ODAD3: variants seen among roughly 807,000 people sequenced by gnomAD.
The protein encoded by ODAD3 is outer dynein arm docking complex subunit 3.
In ODAD3, 57 loss-of-function variants were observed where a neutral mutation model predicts 70.9. That is an observed-to-expected ratio of 0.80 (90% CI 0.65 to 1.00). The LOEUF is 1.00. ODAD3 is among the 50% of genes least tolerant of loss of function. The probability of loss-of-function intolerance (pLI) is 0.00; values close to 1 mark genes in which losing one functional copy is unlikely to be tolerated. For missense variants in ODAD3, 797 were observed against 763.9 expected (o/e 1.04, Z -0.51); for synonymous variants, 327 against 315.9 (o/e 1.04, Z -0.37).
chr19:11,431,594 C>T (rs2144782036), intron 1 of ODAD3, among the ~76,000 whole-genome samples: 1 of 151,352 alleles, frequency 6.6e-6, no homozygotes, highest in African/African-American at 2.4e-5. Flanking sequence ...AGTTCAAGAT[C>T]AGCCTGGCCA....
intron 7 of ODAD3, 85 bp downstream of exon 7, chr19:11,426,059 G>A: frequency 6.6e-7 from 1 of 1,512,350 alleles, no homozygotes; most frequent in Non-Finnish European, 8.8e-7. Context: ...ATGGGAGAAG[G>A]CCTAGGATGA....
chr19:11,425,636 T>TATATGCATACATGC (rs1969347660), intron 7 of ODAD3, among the ~76,000 whole-genome samples: 1 of 140,220 alleles, frequency 7.1e-6, no homozygotes, highest in African/African-American at 3.0e-5. Context: ...CATATATGTA[T>TATATGCATACATGC]ATATATGTAT....
At chr19:11,434,396 G>A (rs1969595342) in intron 1 of ODAD3, 1 of 160,962 alleles carries the variant, frequency 6.2e-6, no homozygotes, top group African/African-American at 2.4e-5. Flanking sequence ...AAATTAGTTA[G>A]GCGTGGTGGC....
intron 3 of ODAD3, among the ~76,000 whole-genome samples, chr19:11,428,866 T>TTTAG (rs1969443763): frequency 8.4e-6 from 1 of 119,728 alleles, no homozygotes; most frequent in Non-Finnish European, 2.0e-5. Flanking sequence ...TTATTTTTTA[T>TTTAG]TTATTTATTT....
At chr19:11,424,297 G>A (rs557701506) in intron 7 of ODAD3, among the ~76,000 whole-genome samples, 1 of 151,860 alleles carries the variant, frequency 6.6e-6, no homozygotes, top group African/African-American at 2.4e-5. Context: ...TGAGCCCAGG[G>A]GTTCGGGACC....
In ODAD3 at chr19:11,430,607, G is replaced by T. The variant is rs1969481556; in HGVS notation, c.444+92C>A. 3 of 1,158,254 alleles carry T rather than the reference G, an allele frequency of 2.6e-6. No individual in the cohort carries two copies. In the South Asian group the frequency reaches 3.7e-5, roughly 14 times the overall value. 71.7% of individuals were successfully genotyped at this position (1,158,254 alleles called of 1,614,324 possible). On this transcript the variant is annotated intron_variant, in intron 3 of 12. Transcript: ENST00000356392. ...TGAGCACATGAATGGCAGCTAGTGT[G>T]CAGGAAGGATTGGAGAGGGTGAGCC...
rs1969376784 is a variant in ODAD3 at position 11,426,458 on chromosome 19, C to T, written c.828G>A (p.Arg276=). 2 of 1,614,030 alleles carry T rather than the reference C, an allele frequency of 1.2e-6. No homozygotes were observed. Among genetic ancestry groups the T allele is most frequent in the Non-Finnish European group, 1.7e-6 (2 of 1,179,954 alleles). The change falls in exon 6 of 13, where the codon CGG becomes CGA. Residue 276 remains arginine (R), a synonymous_variant. Transcript: ENST00000356392. ...HVVNQEALNA[R]DIAKNQLQYL... is the part of the protein sequence containing the mutation. ...AGAGGGGTGGCACCTTGGCAATGTC[C>T]CGGGCATTGAGGGCCTCTTGGTTCA...
In ODAD3 at chr19:11,426,522, A is replaced by G. The variant is rs774824109; in HGVS notation, c.764T>C (p.Val255Ala). Reference protein sequence around the residue: ...ENRLDSMEAEVVRTKHELEAL... With the variant: ...ENRLDSMEAEAVRTKHELEAL... ...CTCCAGCTCATGTTTGGTCCTCACC[A>G]CCTCAGCCTCCATGGAGTCCAGCCG... The change falls in exon 6 of 13, where the codon GTG (valine) becomes GCG (alanine). Residue 255 changes from valine to alanine, a missense_variant. Coordinates refer to ENST00000356392, the MANE Select transcript of ODAD3 (RefSeq NM_145045.5). 6.2e-7 allele frequency: 1 copy of G among 1,613,868 alleles called. No individual in the cohort carries two copies. The highest frequency in any genetic ancestry group is 1.1e-5 in the South Asian group (1 of 91,074).
At chr19:11,429,408 T>G (rs1969457099) in intron 3 of ODAD3, among the ~76,000 whole-genome samples, 1 of 151,846 alleles carries the variant, frequency 6.6e-6, no homozygotes, top group Non-Finnish European at 1.5e-5. Flanking sequence ...TATTTTATTT[T>G]TTATTTATGT....
Position 11,430,931 on chromosome 19 carries a change from C to G in ODAD3, c.334G>C (p.Ala112Pro). The change falls in exon 2 of 13, where the codon GCA becomes CCA. Residue 112 changes from alanine (A) to proline (P), a missense_variant. By Grantham distance (27) the Ala-to-Pro change is conservative. Transcript: ENST00000356392. ...TISQLRKETKALELKLLDLLK... is the reference protein window; with the variant it reads ...TISQLRKETKPLELKLLDLLK... ...AGGTCCAGCAGCTTTAGTTCCAGTG[C>G]CTTAGTCTCCTTGCGGAGCTGACTG... The G allele has an allele frequency of 6.2e-7, 1 of 1,614,056 alleles. No homozygotes were observed.
chr19:11,425,349 ATG>A (rs1222933237), intron 7 of ODAD3, among the ~76,000 whole-genome samples: 8 of 131,756 alleles, frequency 6.1e-5, no homozygotes, highest in South Asian at 2.2e-4. Flanking sequence ...ATATGTATAT[ATG>A]TGTATATGTA....
intron 3 of ODAD3, 119 bp from the exon 4 acceptor site, chr19:11,427,159 T>G: frequency 8.9e-7 from 1 of 1,121,186 alleles, no homozygotes; most frequent in Non-Finnish European, 1.2e-6. Context: ...TCCCGTTTTC[T>G]ACCCACCTCC....
Position 11,430,921 on chromosome 19 carries a change from A to C in ODAD3, c.344T>G (p.Leu115Arg). 1.9e-6 allele frequency: 3 copies of C among 1,613,998 alleles called. No homozygotes were observed. Among genetic ancestry groups the C allele is most frequent in the Non-Finnish European group, 2.5e-6 (3 of 1,179,994 alleles). The change falls in exon 2 of 13, where the codon CTA becomes CGA. Residue 115 changes from leucine (L) to arginine (R), a missense_variant. Transcript: ENST00000356392. ...TACCTTGAGCAGGTCCAGCAGCTTTAGTTCCAGTGCCTTAGTCTCCTTGCG... is the reference window on the plus strand; with the variant it reads ...TACCTTGAGCAGGTCCAGCAGCTTTCGTTCCAGTGCCTTAGTCTCCTTGCG... ...QLRKETKALELKLLDLLKGDE... is the reference protein window; with the variant it reads ...QLRKETKALERKLLDLLKGDE...
intron 7 of ODAD3, 49 bp from the exon 8 acceptor site, chr19:11,424,078 T>G: frequency 6.3e-7 from 1 of 1,575,360 alleles, no homozygotes; most frequent in Non-Finnish European, 8.6e-7. Flanking sequence ...GGACAGCGCT[T>G]GGGAAGGAGG....
intron 1 of ODAD3, 142 bp from the exon 2 acceptor site, chr19:11,431,162 A>G: frequency 9.3e-7 from 1 of 1,075,798 alleles, no homozygotes; most frequent in East Asian, 2.5e-5. Context: ...CCCAGGCTGC[A>G]GTGCAATGGT....
intron 7 of ODAD3, among the ~76,000 whole-genome samples, chr19:11,425,561 A>G (rs1444852767): frequency 1.5e-5 from 2 of 131,098 alleles, no homozygotes; most frequent in East Asian, 4.1e-4. Flanking sequence ...ATATGTATAT[A>G]TGTGTGTATG....
At position 11,426,663 on chromosome 19, in the gene ODAD3, C is replaced by A. The variant is rs774527645; in HGVS notation, c.714+20G>T. The A allele has an allele frequency of 1.2e-6, 2 of 1,613,472 alleles. No individual in the cohort carries two copies. Among genetic ancestry groups the A allele is most frequent in the South Asian group, 2.2e-5 (2 of 90,996 alleles). ...CGCCCTCCCTGTTTGTCATCTCACC[C>A]GAGCCCTCCTAGTCCCTACCATTAG... On this transcript the variant is annotated intron_variant, in intron 5 of 12. Coordinates refer to ENST00000356392, the MANE Select transcript of ODAD3 (RefSeq NM_145045.5).
Position 11,435,099 on chromosome 19 carries a change from A to T in ODAD3, c.-83T>A, listed in dbSNP as rs1256742581. The T allele has an allele frequency of 6.6e-7, 1 of 1,510,208 alleles. No homozygotes were observed. The highest frequency in any genetic ancestry group is 8.8e-7 in the Non-Finnish European group (1 of 1,136,068). The allele number at this position is 1,510,208 out of a possible 1,614,324, so 93.6% of individuals were successfully genotyped here. On this transcript the variant is annotated 5_prime_UTR_variant, in exon 1 of 13. Transcript: ENST00000356392. ...CCCTGTCAGGGATCCGTCAGCTCGG[A>T]TTCCTAGGGCTCTGAAAAATGCACT...
Position 11,426,739 on chromosome 19 carries a change from C to T in ODAD3, c.658G>A (p.Ala220Thr). 1 of 1,613,954 alleles carries T rather than the reference C, an allele frequency of 6.2e-7. No homozygotes were observed. Among genetic ancestry groups the T allele is most frequent in the Non-Finnish European group, 8.5e-7 (1 of 1,179,902 alleles). ...CTGGTAATGTGCTCGGCCTCCTGCG[C>T]CTTCATCTGGGCCTTCTCCAGGCGG... ...ENRLEKAQMK[A>T]QEAEHITSVY... The change falls in exon 5 of 13, where the codon GCG (alanine) becomes ACG (threonine). Residue 220 changes from alanine (A) to threonine (T), a missense_variant. Coordinates refer to ENST00000356392, the MANE Select transcript of ODAD3 (RefSeq NM_145045.5).
Sources: gnomAD v4.1 joint callset for allele counts (sites outside exome capture counted in the v4.1 genomes callset) on GRCh38, gnomAD v4.1.1 for gene constraint, MANE v1.5 for transcripts, NCBI Gene and HGNC (gene_info 2026-07-23, HGNC 2026-07-21) for gene names.